QRFPR: variants seen among roughly 807,000 people sequenced by gnomAD.
The protein encoded by QRFPR is pyroglutamylated RF-amide peptide receptor.
QRFPR carries 37 observed loss-of-function variants against 31.3 expected under a neutral mutation model. The ratio of observed to expected loss-of-function variants is 1.18; its 90% confidence interval spans 0.91 to 1.56. The LOEUF (loss-of-function observed/expected upper bound fraction) is 1.56. Among genes scored for constraint, QRFPR ranks in the 40% most tolerant of loss-of-function variants. The pLI is 0.00. For missense variants in QRFPR, 542 were observed against 532.5 expected (o/e 1.02, Z -0.18); for synonymous variants, 197 against 192.0 (o/e 1.03, Z -0.22).
intron 1 of QRFPR, among the ~76,000 whole-genome samples, chr4:121,377,271 C>T (rs1726372866): frequency 2.0e-5 from 3 of 152,122 alleles, no homozygotes; most frequent in Non-Finnish European, 4.4e-5. Context: ...GCAATCCTGC[C>T]CCCTTTAGAG....
rs1222993319 is a variant in QRFPR, at chr4:121,332,976, G to A, written c.642C>T (p.Tyr214=). ...AGAGGATGACAAGGATGAAGGTGGT[G>A]TAGATCTTCTGGTGCACAGGGCTGG... ...EWTSPVHQKI[Y]TTFILVILFL... is the part of the protein sequence containing the mutation. Residue 214 remains tyrosine (Y), a synonymous_variant, in exon 4 of 6, where the codon TAC becomes TAT. Coordinates refer to ENST00000394427, the MANE Select transcript of QRFPR (RefSeq NM_198179.3). 18 of 1,613,924 alleles carry A rather than the reference G, an allele frequency of 1.1e-5. No homozygotes were observed. Among genetic ancestry groups the A allele is most frequent in the African/African-American group, 1.3e-5 (1 of 74,908 alleles).
intron 1 of QRFPR, among the ~76,000 whole-genome samples, chr4:121,373,999 G>A (rs931524154): frequency 1.3e-5 from 2 of 152,082 alleles, no homozygotes; most frequent in Admixed American, 6.5e-5. Context: ...TCTGTTACCC[G>A]CCCACATCCG....
chr4:121,356,228 A>G (rs909476465), intron 1 of QRFPR, among the ~76,000 whole-genome samples: 2 of 152,170 alleles, frequency 1.3e-5, no homozygotes, highest in Non-Finnish European at 2.9e-5. Flanking sequence ...CATTTGTTTT[A>G]TGTATCTGGG....
At chr4:121,339,556 G>A (rs1188974768) in intron 2 of QRFPR, among the ~76,000 whole-genome samples, 1 of 152,144 alleles carries the variant, frequency 6.6e-6, no homozygotes, top group African/African-American at 2.4e-5. Flanking sequence ...CATGTACCCT[G>A]TCACTTTCTA....
chr4:121,330,075 T>A (rs553924598), intron 5 of QRFPR, among the ~76,000 whole-genome samples: 1 of 152,292 alleles, frequency 6.6e-6, no homozygotes, highest in South Asian at 2.1e-4. Flanking sequence ...TCCTGGGTTA[T>A]CAGAAAGAAT....
At chr4:121,344,774 A>T (rs1725611271) in intron 1 of QRFPR, among the ~76,000 whole-genome samples, 1 of 152,004 alleles carries the variant, frequency 6.6e-6, no homozygotes, top group South Asian at 2.1e-4. Context: ...TTTCTTTTTC[A>T]GCTTCTTGTT....
chr4:121,365,511 TATATATTA>T, intron 1 of QRFPR, among the ~76,000 whole-genome samples: 1 of 3,208 alleles, frequency 3.1e-4, no homozygotes, highest in Non-Finnish European at 4.0e-4. Flanking sequence ...ATATATATAA[TATATATTA>T]TATATATTAT....
intron 3 of QRFPR, among the ~76,000 whole-genome samples, chr4:121,335,198 T>C (rs1231150075): frequency 6.6e-6 from 1 of 151,472 alleles, no homozygotes; most frequent in Non-Finnish European, 1.5e-5. Context: ...TTTTTAAACA[T>C]ATAAAAACAC....
chr4:121,379,568 A>G (rs1385303319), intron 1 of QRFPR, among the ~76,000 whole-genome samples: 1 of 152,122 alleles, frequency 6.6e-6, no homozygotes, highest in Non-Finnish European at 1.5e-5. Flanking sequence ...CTTTTTTTCC[A>G]ACCTCCACAC....
intron 1 of QRFPR, among the ~76,000 whole-genome samples, chr4:121,345,389 C>A (rs1285741522): frequency 6.6e-6 from 1 of 152,226 alleles, no homozygotes; most frequent in Non-Finnish European, 1.5e-5. Flanking sequence ...CCTTCCAATA[C>A]ATTCTCTTCT....
intron 1 of QRFPR, chr4:121,369,512 A>C: frequency 6.8e-7 from 1 of 1,474,336 alleles, no homozygotes; most frequent in South Asian, 1.2e-5. Flanking sequence ...CCCTTCCGTC[A>C]CTGGGAAGTC....
intron 1 of QRFPR, among the ~76,000 whole-genome samples, chr4:121,365,524 TA>T (rs1560743504): frequency 0.086 from 568 of 6,618 alleles, 55 homozygotes; most frequent in African/African-American, 0.17. Flanking sequence ...ATATTATATA[TA>T]TTATATATAA....
chr4:121,359,095 T>G (rs531054277), intron 1 of QRFPR, among the ~76,000 whole-genome samples: 53 of 152,282 alleles, frequency 3.5e-4, no homozygotes, highest in Admixed American at 1.1e-3. Context: ...ACAATTAGTG[T>G]AGAGAATAGG....
chr4:121,360,336 T>G (rs1725965698), intron 1 of QRFPR, among the ~76,000 whole-genome samples: 1 of 152,204 alleles, frequency 6.6e-6, no homozygotes, highest in Admixed American at 6.5e-5. Flanking sequence ...CACAGGTAAA[T>G]CATTTTTTCA....
chr4:121,379,243 C>T (rs1274047418), intron 1 of QRFPR, among the ~76,000 whole-genome samples: 1 of 152,122 alleles, frequency 6.6e-6, no homozygotes, highest in African/African-American at 2.4e-5. Flanking sequence ...ACAGCAAACT[C>T]AGTTTAAGCT....
chr4:121,339,593 C>A (rs950461823), intron 2 of QRFPR, among the ~76,000 whole-genome samples: 2 of 152,252 alleles, frequency 1.3e-5, no homozygotes, highest in South Asian at 2.1e-4. Context: ...ACAAGGGCAG[C>A]AACCCTGTTC....
chr4:121,337,555 G>T (rs41375944), intron 2 of QRFPR, among the ~76,000 whole-genome samples: 50,554 of 151,888 alleles, frequency 0.33, 8,921 homozygotes, highest in Middle Eastern at 0.48. Context: ...GATCCATGTT[G>T]GTGGAATGGA....
At chr4:121,358,082 C>G (rs1017464497) in intron 1 of QRFPR, among the ~76,000 whole-genome samples, 1 of 152,028 alleles carries the variant, frequency 6.6e-6, no homozygotes, top group Non-Finnish European at 1.5e-5. Context: ...AAGTAGTATT[C>G]AAAGCAATTC....
Position 121,380,863 on chromosome 4 carries a change from A to G in QRFPR, c.-216T>C. ...CCACGATAAAGAGGCGGGAAGCCAA[A>G]GCACTGGGAGACTCGATCTCAGTGA... On this transcript the variant is annotated 5_prime_UTR_variant, in exon 1 of 6. Transcript: ENST00000394427. 1 of 532,186 alleles carries G rather than the reference A, an allele frequency of 1.9e-6. No individual in the cohort carries two copies. The allele number at this position is 532,186 out of a possible 1,614,324, so 33.0% of individuals were successfully genotyped here.
Sources: allele counts gnomAD v4.1 joint callset (sites outside exome capture counted in the v4.1 genomes callset), GRCh38; gene constraint gnomAD v4.1.1; transcripts MANE v1.5; gene names NCBI Gene and HGNC (gene_info 2026-07-23, HGNC 2026-07-21).